PMFBP1: variants seen among roughly 807,000 people sequenced by gnomAD.
PMFBP1 encodes the protein polyamine modulated factor 1 binding protein 1, also known as polyamine-modulated factor 1-binding protein 1.
PMFBP1 carries 131 observed loss-of-function variants against 137.8 expected under a neutral mutation model. That is an observed-to-expected ratio of 0.95 (90% CI 0.82 to 1.10). The LOEUF (loss-of-function observed/expected upper bound fraction) is 1.10. PMFBP1 is among the 50% of genes least tolerant of loss of function. The pLI is 0.00. For synonymous variants in PMFBP1, 490 were observed against 450.4 expected, an observed-to-expected ratio of 1.09 and a Z score of -1.11; for missense variants, 1,199 against 1,175.4, an observed-to-expected ratio of 1.02 and a Z score of -0.29.
At chr16:72,214,492 G>A in the PMFBP1 span, among the ~76,000 whole-genome samples, 1 of 152,264 alleles carries the variant, frequency 6.6e-6, no homozygotes, top group Non-Finnish European at 1.5e-5. Flanking sequence ...CAAGCACAGG[G>A]TAGAAGGAAC....
At chr16:72,235,953 T>C in the PMFBP1 span, among the ~76,000 whole-genome samples, 4 of 152,138 alleles carry the variant, frequency 2.6e-5, no homozygotes, top group East Asian at 7.7e-4. Flanking sequence ...TGAGTATCCC[T>C]TCTTCCTTTC....
At chr16:72,221,340 A>T in the PMFBP1 span, among the ~76,000 whole-genome samples, 1 of 152,146 alleles carries the variant, frequency 6.6e-6, no homozygotes. Flanking sequence ...ATTAAGAAAA[A>T]TGTGTTGCAG....
the PMFBP1 span, among the ~76,000 whole-genome samples, chr16:72,243,197 C>T: frequency 1.3e-5 from 2 of 152,138 alleles, no homozygotes; most frequent in South Asian, 4.1e-4. Context: ...GACATTAATG[C>T]GATTAAAACA....
chr16:72,177,552 G>T (rs2043263157), upstream of PMFBP1, among the ~76,000 whole-genome samples: 1 of 152,118 alleles, frequency 6.6e-6, no homozygotes, highest in Admixed American at 6.5e-5. Flanking sequence ...CAGAAAAGTT[G>T]CAAAAATAGT....
At chr16:72,172,402 C>T (rs2043230952), upstream of PMFBP1, 1 of 150,130 alleles carries the variant, frequency 6.7e-6, no homozygotes, top group South Asian at 2.2e-4. Context: ...GGGCTCTGCT[C>T]CACATTGTCC....
At chr16:72,119,079 A>G (rs2042338535), downstream of PMFBP1, 1 of 419,480 alleles carries the variant, frequency 2.4e-6, no homozygotes, top group Non-Finnish European at 4.2e-6. Context: ...CTAGACGCCA[A>G]CAGCTCACCA....
chr16:72,156,890 T>G (rs1002855560), intron 3 of PMFBP1, among the ~76,000 whole-genome samples: 1 of 151,722 alleles, frequency 6.6e-6, no homozygotes, highest in Non-Finnish European at 1.5e-5. Flanking sequence ...TAGCAGTATA[T>G]AAAACAGACA....
chr16:72,174,010 T>C (rs1228086619), upstream of PMFBP1: 2 of 152,268 alleles, frequency 1.3e-5, no homozygotes, highest in Non-Finnish European at 2.9e-5. Context: ...ACTCCTTTTT[T>C]GTATTCAAAA....
chr16:72,125,485 C>T, intron 15 of PMFBP1, 80 bp from the exon 16 acceptor site: 1 of 1,459,832 alleles, frequency 6.9e-7, no homozygotes, highest in South Asian at 1.3e-5. Flanking sequence ...AGGAGGGTTC[C>T]AGTCCCTTCC....
chr16:72,200,912 G>C, the PMFBP1 span, among the ~76,000 whole-genome samples: 1 of 152,198 alleles, frequency 6.6e-6, no homozygotes, highest in South Asian at 2.1e-4. Flanking sequence ...AAAGGGAGTT[G>C]CCTGCTGTGT....
chr16:72,217,273 G>A, the PMFBP1 span, among the ~76,000 whole-genome samples: 4 of 152,092 alleles, frequency 2.6e-5, no homozygotes, highest in Non-Finnish European at 5.9e-5. Flanking sequence ...GGGTTGCACA[G>A]CAAGTTATTT....
intron 3 of PMFBP1, among the ~76,000 whole-genome samples, chr16:72,156,730 G>A (rs879585632): frequency 6.6e-6 from 1 of 152,024 alleles, no homozygotes; most frequent in African/African-American, 2.4e-5. Flanking sequence ...TATTTGGGTT[G>A]TTTCAGTTTT....
chr16:72,199,109 G>A, the PMFBP1 span, among the ~76,000 whole-genome samples: 290 of 152,294 alleles, frequency 1.9e-3, 1 homozygote, highest in Non-Finnish European at 3.2e-3. Flanking sequence ...CATGCTTCCC[G>A]GGCTTAGCCC....
chr16:72,142,974 A>G (rs150908413), intron 5 of PMFBP1, among the ~76,000 whole-genome samples: 6 of 152,336 alleles, frequency 3.9e-5, no homozygotes, highest in South Asian at 4.1e-4. Flanking sequence ...CAAATTTAGT[A>G]AAGTTCATTA....
chr16:72,205,637 T>G, the PMFBP1 span, among the ~76,000 whole-genome samples: 31 of 152,262 alleles, frequency 2.0e-4, no homozygotes, highest in African/African-American at 6.7e-4. Context: ...CACACACACT[T>G]AGTGCACATA....
At chr16:72,239,440 A>G in the PMFBP1 span, among the ~76,000 whole-genome samples, 1 of 152,326 alleles carries the variant, frequency 6.6e-6, no homozygotes, top group Middle Eastern at 3.4e-3. Flanking sequence ...GCTAAATAAA[A>G]CACATTCTCA....
At chr16:72,161,111 T>C (rs2144484001) in intron 3 of PMFBP1, among the ~76,000 whole-genome samples, 1 of 150,632 alleles carries the variant, frequency 6.6e-6, no homozygotes, top group South Asian at 2.1e-4. Context: ...TTTTTTTTTT[T>C]TTTTGAGATG....
chr16:72,239,786 G>A, the PMFBP1 span, among the ~76,000 whole-genome samples: 16 of 151,230 alleles, frequency 1.1e-4, no homozygotes, highest in Admixed American at 8.6e-4. Flanking sequence ...CAGCTACTCG[G>A]GAGGCACGAG....
intron 9 of PMFBP1, among the ~76,000 whole-genome samples, chr16:72,133,865 C>T (rs1350616754): frequency 6.6e-6 from 1 of 151,948 alleles, no homozygotes; most frequent in Non-Finnish European, 1.5e-5. Flanking sequence ...AATGCAGGAC[C>T]CCGGAAGTAT....
Sources: allele counts gnomAD v4.1 joint callset (sites outside exome capture counted in the v4.1 genomes callset), GRCh38; gene constraint gnomAD v4.1.1; transcripts MANE v1.5; gene names NCBI Gene and HGNC (gene_info 2026-07-23, HGNC 2026-07-21).